HTR4: variants seen among roughly 807,000 people sequenced by gnomAD.
The protein encoded by HTR4 is 5-hydroxytryptamine (serotonin) receptor 4, G protein-coupled.
HTR4 carries 16 observed loss-of-function variants against 36.8 expected under a neutral mutation model. That is an observed-to-expected ratio of 0.43 (90% confidence interval 0.29 to 0.66). The LOEUF (loss-of-function observed/expected upper bound fraction) is 0.66, where lower values mean the gene tolerates loss of function less well. Among genes scored for constraint, HTR4 ranks in the 30% least tolerant of loss-of-function variants. The pLI, the probability that HTR4 is intolerant of heterozygous loss-of-function variation, is 0.13. For synonymous variants in HTR4, 189 were observed against 185.1 expected (o/e 1.02, Z -0.17); for missense variants, 438 against 490.9 (o/e 0.89, Z 1.02).
At chr5:148,614,252 G>A in intron 2 of HTR4, among the ~76,000 whole-genome samples, 1 of 151,772 alleles carries the variant, frequency 6.6e-6, no homozygotes, top group African/African-American at 2.4e-5. Flanking sequence ...GAACAAAGCT[G>A]GAGGCATCAC....
At chr5:148,600,258 C>CAT (rs1188902162) in intron 2 of HTR4, among the ~76,000 whole-genome samples, 1 of 147,558 alleles carries the variant, frequency 6.8e-6, no homozygotes, top group Admixed American at 6.8e-5. Context: ...AATATATCTT[C>CAT]ATATATATAC....
intron 2 of HTR4, among the ~76,000 whole-genome samples, chr5:148,593,108 T>C (rs1167893406): frequency 1.3e-5 from 2 of 152,196 alleles, no homozygotes; most frequent in African/African-American, 4.8e-5. Context: ...AAAATTTTTC[T>C]GCTTTTGGGT....
chr5:148,579,996 G>A (rs1021666347), intron 2 of HTR4, among the ~76,000 whole-genome samples: 1 of 150,240 alleles, frequency 6.7e-6, no homozygotes, highest in African/African-American at 2.5e-5. Context: ...TCAGTACCTA[G>A]GTGAGTGTTT....
At chr5:148,590,691 G>A (rs577312432) in intron 2 of HTR4, among the ~76,000 whole-genome samples, 262 of 151,860 alleles carry the variant, frequency 1.7e-3, no homozygotes, top group Non-Finnish European at 2.1e-3. Flanking sequence ...GTTTAAAAAC[G>A]TATTTGTTTC....
chr5:148,509,373 C>G, intron 6 of HTR4, 83 bp downstream of exon 6: 3 of 1,042,354 alleles, frequency 2.9e-6, no homozygotes, highest in Non-Finnish European at 4.2e-6. Context: ...AGGGATAACC[C>G]CTTTGGAAAC....
Position 148,510,011 on chromosome 5 carries a change from T to G in HTR4, c.521A>C (p.Lys174Thr), listed in dbSNP as rs201967025. ...CGTAGAGTTAGAGTTCTGGTTGAAC[T>G]TCCTCTTTTCTATCTGAGAGTTGGA... Reference protein sequence around the residue: ...IGIIDLIEKRKFNQNSNSTYC... With the variant: ...IGIIDLIEKRTFNQNSNSTYC... Residue 174 changes from lysine to threonine, a missense_variant, in exon 6 of 7, where the codon AAG becomes ACG. Coordinates refer to ENST00000377888, the MANE Select transcript of HTR4 (RefSeq NM_000870.7). The G allele has an allele frequency of 8.1e-6, 13 of 1,609,952 alleles. No homozygotes were observed. The highest frequency in any genetic ancestry group is 1.1e-5 in the Non-Finnish European group (13 of 1,177,384).
intron 4 of HTR4, among the ~76,000 whole-genome samples, chr5:148,547,080 A>C (rs990511467): frequency 1.3e-5 from 2 of 152,212 alleles, no homozygotes; most frequent in East Asian, 3.8e-4. Context: ...TGGCAGAGGA[A>C]AAGAGAAAGC....
chr5:148,556,208 G>A (rs946748404), intron 2 of HTR4, among the ~76,000 whole-genome samples: 1 of 152,134 alleles, frequency 6.6e-6, no homozygotes, highest in Non-Finnish European at 1.5e-5. Context: ...ATTTTTAGTA[G>A]GGACAGGGTT....
chr5:148,618,594 C>A (rs1752795880), intron 2 of HTR4, among the ~76,000 whole-genome samples: 1 of 152,220 alleles, frequency 6.6e-6, no homozygotes, highest in Admixed American at 6.5e-5. Context: ...CCTTCAGGCA[C>A]AAGGATGATA....
chr5:148,547,645 C>G (rs1460368190), intron 4 of HTR4, among the ~76,000 whole-genome samples: 2 of 151,900 alleles, frequency 1.3e-5, no homozygotes, highest in African/African-American at 4.8e-5. Context: ...GTAGTCCCAG[C>G]ACTCTGGGAG....
intron 2 of HTR4, among the ~76,000 whole-genome samples, chr5:148,617,268 C>T (rs1752733381): frequency 6.6e-6 from 1 of 152,152 alleles, no homozygotes; most frequent in South Asian, 2.1e-4. Flanking sequence ...GTGCCTGCTT[C>T]TGCTTCACCT....
intron 1 of HTR4, among the ~76,000 whole-genome samples, chr5:148,640,477 A>T (rs10063196): frequency 6.6e-6 from 1 of 152,180 alleles, no homozygotes; most frequent in Admixed American, 6.5e-5. Context: ...GACAGTTTGA[A>T]GCTGCTAGTG....
chr5:148,502,046 C>T (rs983634065), intron 6 of HTR4, among the ~76,000 whole-genome samples: 23 of 148,448 alleles, frequency 1.5e-4, no homozygotes, highest in African/African-American at 4.2e-4. Flanking sequence ...GGCGACAGAG[C>T]GAAACTCTGT....
downstream of HTR4, among the ~76,000 whole-genome samples, chr5:148,480,433 C>T (rs973779514): frequency 1.3e-5 from 2 of 152,158 alleles, no homozygotes; most frequent in Non-Finnish European, 2.9e-5. Flanking sequence ...GGCTGAAGTG[C>T]AGTGGTGCAA....
intron 2 of HTR4, among the ~76,000 whole-genome samples, chr5:148,551,781 G>T (rs550577257): frequency 1.0e-3 from 157 of 152,248 alleles, no homozygotes; most frequent in African/African-American, 3.7e-3. Flanking sequence ...CTCATAATGT[G>T]TTAAGAAAGT....
chr5:148,544,655 A>G (rs541092578), intron 4 of HTR4, among the ~76,000 whole-genome samples: 15 of 152,318 alleles, frequency 9.8e-5, no homozygotes, highest in African/African-American at 3.6e-4. Flanking sequence ...CCCATACTAT[A>G]TGGTGCATTT....
rs561861238 is a variant in HTR4, at chr5:148,580,441, A to G, written c.27-30179T>C. 1.2e-4 allele frequency among the ~76,000 whole-genome samples: 18 copies of G among 152,212 alleles called. 1 individual carries two copies. In the South Asian group the frequency reaches 3.7e-3, roughly 32 times the overall value. On this transcript the variant is annotated intron_variant, in intron 2 of 6. Transcript: ENST00000377888. ...GAGCTATCCTATTAACCAATGAGTA[A>G]GTGCACTGTATCTTATTGTTAACTG...
At chr5:148,574,117 C>T (rs1760789971) in intron 2 of HTR4, among the ~76,000 whole-genome samples, 3 of 151,996 alleles carry the variant, frequency 2.0e-5, no homozygotes, top group South Asian at 2.1e-4. Context: ...AACTCTCTCC[C>T]CAGCAAGAGA....
chr5:148,577,516 A>C (rs1174688022), intron 2 of HTR4, among the ~76,000 whole-genome samples: 1 of 152,166 alleles, frequency 6.6e-6, no homozygotes, highest in Non-Finnish European at 1.5e-5. Flanking sequence ...ACACATGCAC[A>C]CGAATGTTCA....
Sources: allele counts gnomAD v4.1 joint callset (sites outside exome capture counted in the v4.1 genomes callset), GRCh38; gene constraint gnomAD v4.1.1; transcripts MANE v1.5; gene names NCBI Gene and HGNC (gene_info 2026-07-23, HGNC 2026-07-21).